Variants in EFHC2 observed in about 807,000 individuals in gnomAD.
The protein encoded by EFHC2 is EF-hand domain containing 2, also known as EF-hand domain-containing family member C2.
Under a neutral mutation model 52.7 loss-of-function variants are expected in EFHC2, and 18 were observed. That is an observed-to-expected ratio of 0.34 (90% CI 0.24 to 0.51). The LOEUF (loss-of-function observed/expected upper bound fraction) is 0.51, where lower values mean the gene tolerates loss of function less well. Among genes scored for constraint, EFHC2 ranks in the 20% least tolerant of loss-of-function variants. EFHC2 has a pLI of 0.97. For missense variants in EFHC2, 513 were observed against 562.5 expected (o/e 0.91, Z 0.89); for synonymous variants, 203 against 204.1 (o/e 0.99, Z 0.04).
chrX:44,190,555 C>T (rs2036911877), intron 11 of EFHC2, among the ~76,000 whole-genome samples: 1 of 111,318 alleles, frequency 9.0e-6, no homozygotes. Flanking sequence ...TTCCTCCTGT[C>T]ATCTTATTTT....
intron 11 of EFHC2, among the ~76,000 whole-genome samples, chrX:44,182,357 G>A (rs956311409): frequency 1.4e-4 from 16 of 112,032 alleles, no homozygotes; most frequent in African/African-American, 4.9e-4. Flanking sequence ...TGGACATGTG[G>A]GTTACTTCCA....
intron 1 of EFHC2, among the ~76,000 whole-genome samples, chrX:44,313,338 A>G (rs1226595350): frequency 9.0e-6 from 1 of 111,647 alleles, no homozygotes; most frequent in Non-Finnish European, 1.9e-5. Context: ...CACAGATACA[A>G]CTACCAAGGG....
At chrX:44,207,696 T>C (rs2037059230) in intron 11 of EFHC2, among the ~76,000 whole-genome samples, 1 of 112,268 alleles carries the variant, frequency 8.9e-6, no homozygotes, top group Non-Finnish European at 1.9e-5. Flanking sequence ...CAAAAGAAAC[T>C]GTCAATGGAG....
chrX:44,254,742 G>A (rs2037479074), intron 4 of EFHC2, among the ~76,000 whole-genome samples: 3 of 111,823 alleles, frequency 2.7e-5, no homozygotes, highest in Admixed American at 1.9e-4. Flanking sequence ...AGCAAGACAG[G>A]CCAACATTCA....
chrX:44,227,879 T>G (rs765549719), intron 11 of EFHC2, among the ~76,000 whole-genome samples: 1 of 111,409 alleles, frequency 9.0e-6, no homozygotes, highest in South Asian at 3.8e-4. Context: ...TGACTGCATT[T>G]CAGGCAGAGG....
chrX:44,228,990 C>A (rs2037254357), intron 11 of EFHC2, among the ~76,000 whole-genome samples: 1 of 112,043 alleles, frequency 8.9e-6, no homozygotes, highest in Non-Finnish European at 1.9e-5. Context: ...TTGTACTAGA[C>A]CCTGAATTTG....
Position 44,313,095 on chromosome X carries a change from C to CAA in EFHC2, c.43-341_43-340dup, listed in dbSNP as rs1276344069. Among the ~76,000 whole-genome samples the CAA allele has an allele frequency of 2.0e-3, 101 of 50,032 alleles. 1 individual carries two copies. The highest frequency in any genetic ancestry group is 5.5e-3 in the African/African-American group (91 of 16,529). The allele number at this position is 50,032 out of a possible 115,157, so 43.4% of individuals were successfully genotyped here. A position where few individuals can be genotyped will look rare whatever the true frequency, so the allele number is the denominator to read the frequency against. ...ACTTGTTTGCCAAGAATGCAAACAG[C>CAA]AAAAAAAAAAAAAAAAAGAAAGAAA... On this transcript the variant is annotated intron_variant, in intron 1 of 14. Coordinates refer to ENST00000420999, the MANE Select transcript of EFHC2 (RefSeq NM_025184.4).
At position 44,250,174 on chromosome X, in the gene EFHC2, T is replaced by C; in HGVS notation, c.858+20A>G. 9 of 1,194,828 alleles carry C rather than the reference T, an allele frequency of 7.5e-6. No individual in the cohort carries two copies. The highest frequency in any genetic ancestry group is 1.0e-5 in the Non-Finnish European group (9 of 885,623). Reference sequence around the variant, plus strand: ...TCTTGACCCACAAGCAAATTCAAAGTGGTTATATCCACTGCTCACCTTGGG... The same window carrying C: ...TCTTGACCCACAAGCAAATTCAAAGCGGTTATATCCACTGCTCACCTTGGG... On this transcript the variant is annotated intron_variant, in intron 5 of 14. Transcript: ENST00000420999.
At chrX:44,278,191 A>G (rs2037675098) in intron 2 of EFHC2, among the ~76,000 whole-genome samples, 1 of 112,118 alleles carries the variant, frequency 8.9e-6, no homozygotes, top group South Asian at 3.7e-4. Flanking sequence ...CCTGGCCAAC[A>G]TGGCAAAACC....
intron 4 of EFHC2, among the ~76,000 whole-genome samples, chrX:44,256,446 C>T (rs940377654): frequency 6.3e-5 from 7 of 111,358 alleles, no homozygotes; most frequent in Admixed American, 5.7e-4. Flanking sequence ...CAATAAAAAA[C>T]GATAAACAGG....
At chrX:44,227,677 C>G (rs999436311) in intron 11 of EFHC2, among the ~76,000 whole-genome samples, 1 of 111,466 alleles carries the variant, frequency 9.0e-6, no homozygotes, top group South Asian at 3.8e-4. Context: ...ATACCCCACC[C>G]CCAAGTAAAC....
rs1482511420 is a variant in EFHC2 at position 44,272,997 on chromosome X, C to T, written c.232-161G>A. On this transcript the variant is annotated intron_variant, in intron 2 of 14. Coordinates refer to ENST00000420999, the MANE Select transcript of EFHC2 (RefSeq NM_025184.4). ...CACATCAGCCATGCGAATGGATATA[C>T]AATCTAAGATACAATACATAAAGAT... Among the ~76,000 whole-genome samples the T allele has an allele frequency of 7.1e-5, 8 of 112,289 alleles. No homozygotes were observed. The Admixed American group carries it at 7.6e-4, about 11-fold the overall frequency.
intron 3 of EFHC2, among the ~76,000 whole-genome samples, chrX:44,270,072 G>A (rs2037606339): frequency 1.8e-5 from 2 of 111,268 alleles, no homozygotes; most frequent in Non-Finnish European, 3.8e-5. Context: ...CAAAACTCTT[G>A]GACTGGTGGC....
chrX:44,312,829 T>C, intron 1 of EFHC2, 73 bp from the exon 2 acceptor site: 3 of 977,357 alleles, frequency 3.1e-6, no homozygotes. Flanking sequence ...TTGTAAAATG[T>C]CAACACATTT....
chrX:44,319,519 C>T (rs1056742334), intron 1 of EFHC2, among the ~76,000 whole-genome samples: 3 of 111,851 alleles, frequency 2.7e-5, no homozygotes, highest in African/African-American at 9.8e-5. Flanking sequence ...CTATCCTCTT[C>T]CTTTCGATTA....
intron 2 of EFHC2, among the ~76,000 whole-genome samples, chrX:44,297,572 T>A (rs769732980): frequency 2.0e-4 from 22 of 107,899 alleles, no homozygotes; most frequent in Non-Finnish European, 3.1e-4. Flanking sequence ...AAAAAAAATA[T>A]ATAAAAATTA....
At chrX:44,342,258 C>A (rs1044209143) in intron 1 of EFHC2, among the ~76,000 whole-genome samples, 17 of 112,185 alleles carry the variant, frequency 1.5e-4, no homozygotes, top group Non-Finnish European at 3.0e-4. Flanking sequence ...ACTTGTACTT[C>A]AGGGCCAACA....
intron 1 of EFHC2, among the ~76,000 whole-genome samples, chrX:44,329,029 A>G (rs1286491581): frequency 1.8e-5 from 2 of 111,407 alleles, no homozygotes; most frequent in Non-Finnish European, 3.8e-5. Flanking sequence ...ATTTTGTCCA[A>G]TTCTTTGTTC....
chrX:44,162,393 A>G (rs1411796791), intron 14 of EFHC2, among the ~76,000 whole-genome samples: 1 of 111,514 alleles, frequency 9.0e-6, no homozygotes, highest in Non-Finnish European at 1.9e-5. Flanking sequence ...ACTGCACTCC[A>G]GCCTGGGCGA....
Sources: allele counts gnomAD v4.1 joint callset (sites outside exome capture counted in the v4.1 genomes callset), GRCh38; gene constraint gnomAD v4.1.1; transcripts MANE v1.5; gene names NCBI Gene and HGNC (gene_info 2026-07-23, HGNC 2026-07-21).